The following ANKHD1 variants were observed in gnomAD, a reference collection of about 807,000 sequenced individuals.
The protein encoded by ANKHD1 is ankyrin repeat and KH domain-containing protein 1.
ANKHD1 carries 31 observed loss-of-function variants against 230.5 expected under a neutral mutation model. The ratio of observed to expected loss-of-function variants is 0.13; its 90% confidence interval spans 0.10 to 0.18. ANKHD1 has a LOEUF of 0.18. Among genes scored for constraint, ANKHD1 ranks in the 10% least tolerant of loss-of-function variants. The pLI is 1.00. For synonymous variants in ANKHD1, 1,074 were observed against 1,117.6 expected (o/e 0.96, Z 0.78); for missense variants, 2,256 against 3,071.3 (o/e 0.73, Z 6.27).
chr5:140,452,222 G>A (rs1432124184), intron 7 of ANKHD1, among the ~76,000 whole-genome samples: 1 of 152,210 alleles, frequency 6.6e-6, no homozygotes, highest in Non-Finnish European at 1.5e-5. Flanking sequence ...AAGCGGCTAG[G>A]AAGCTCAAAC....
Position 140,493,235 on chromosome 5 carries a change from T to C in ANKHD1, c.2246-3285T>C, listed in dbSNP as rs1024642255. ...CGCCACCACACCGGGCTAGCTAATT[T>C]TACATTTTTAGAAGAGACGGGGTTT... On this transcript the variant is annotated intron_variant, in intron 14 of 33. Transcript: ENST00000360839. Among the ~76,000 whole-genome samples, 4 of 152,260 alleles carry C rather than the reference T, an allele frequency of 2.6e-5. No homozygotes were observed. The East Asian group carries it at 5.8e-4, about 22-fold the overall frequency.
chr5:140,518,332 G>T (rs1402048436), intron 24 of ANKHD1, among the ~76,000 whole-genome samples: 1 of 152,082 alleles, frequency 6.6e-6, no homozygotes, highest in Non-Finnish European at 1.5e-5. Context: ...AGACCAGATG[G>T]ATTCACAGCC....
intron 15 of ANKHD1, 160 bp from the exon 16 acceptor site, chr5:140,504,661 T>C: frequency 1.2e-5 from 12 of 972,628 alleles, no homozygotes; most frequent in Non-Finnish European, 1.7e-5. Context: ...AAGTCAGTGT[T>C]GGAACTAATA....
Position 140,401,849 on chromosome 5 carries a change from C to A in ANKHD1, c.-119C>A. 1.4e-6 allele frequency: 2 copies of A among 1,397,262 alleles called. No homozygotes were observed. Among genetic ancestry groups the A allele is most frequent in the Non-Finnish European group, 1.9e-6 (2 of 1,078,634 alleles). 86.6% of individuals were successfully genotyped at this position (1,397,262 alleles called of 1,614,324 possible). ...AGGTTAGGCAGTGAGAAGTTAGTGG[C>A]GCTGCTGGGACGGGGGAAAGGAGAC... On this transcript the variant is annotated 5_prime_UTR_variant, in exon 1 of 34. Coordinates refer to ENST00000360839, the MANE Select transcript of ANKHD1 (RefSeq NM_017747.3).
chr5:140,441,844 A>G (rs980652894), intron 5 of ANKHD1, among the ~76,000 whole-genome samples: 1 of 152,022 alleles, frequency 6.6e-6, no homozygotes, highest in Non-Finnish European at 1.5e-5. Flanking sequence ...ATTTTACTAT[A>G]TATGTATCTT....
At chr5:140,413,262 C>T (rs1190632167) in intron 1 of ANKHD1, among the ~76,000 whole-genome samples, 1 of 152,116 alleles carries the variant, frequency 6.6e-6, no homozygotes, top group Non-Finnish European at 1.5e-5. Context: ...AACATAAAAT[C>T]TATCATTTTA....
intron 10 of ANKHD1, among the ~76,000 whole-genome samples, chr5:140,472,046 A>G (rs1402377928): frequency 1.3e-5 from 2 of 152,182 alleles, no homozygotes; most frequent in Non-Finnish European, 2.9e-5. Context: ...GTAAAAAACC[A>G]TAATATCACC....
chr5:140,491,925 T>A (rs1017530648), intron 14 of ANKHD1, among the ~76,000 whole-genome samples: 1 of 152,204 alleles, frequency 6.6e-6, no homozygotes, highest in Non-Finnish European at 1.5e-5. Flanking sequence ...TTCTTAAGCA[T>A]TTTTAAGAAA....
At chr5:140,500,266 T>G (rs1752228041) in intron 15 of ANKHD1, among the ~76,000 whole-genome samples, 1 of 152,232 alleles carries the variant, frequency 6.6e-6, no homozygotes, top group Non-Finnish European at 1.5e-5. Flanking sequence ...CCAACTTCTA[T>G]GATAAATGCT....
intron 2 of ANKHD1, among the ~76,000 whole-genome samples, chr5:140,437,939 C>T (rs1203140762): frequency 6.6e-6 from 1 of 152,082 alleles, no homozygotes; most frequent in East Asian, 1.9e-4. Flanking sequence ...GATATAAATT[C>T]ATTGGGTATT....
chr5:140,491,088 G>GTATA (rs1561793301), intron 14 of ANKHD1, among the ~76,000 whole-genome samples: 4 of 99,220 alleles, frequency 4.0e-5, no homozygotes, highest in African/African-American at 1.4e-4. Context: ...ATATGTGTGT[G>GTATA]TGTGTATATA....
intron 25 of ANKHD1, among the ~76,000 whole-genome samples, chr5:140,525,337 A>G (rs963980117): frequency 6.6e-6 from 1 of 151,868 alleles, no homozygotes; most frequent in South Asian, 2.1e-4. Context: ...ATCTCGGCTC[A>G]CTGCAACCTC....
At chr5:140,409,250 G>A (rs181529437) in intron 1 of ANKHD1, among the ~76,000 whole-genome samples, 16 of 152,294 alleles carry the variant, frequency 1.1e-4, no homozygotes, top group African/African-American at 2.9e-4. Flanking sequence ...AGAAGGTACT[G>A]AAAGGTTTAA....
Position 140,459,263 on chromosome 5 carries a change from C to A in ANKHD1, c.1580C>A (p.Ala527Glu). ...GAAGTTGCAGACTTTCTTATTAAGG[C>A]AGGGGCTGATATAGAACTTGGCTGC... Reference protein sequence around the residue: ...FSEVADFLIKAGADIELGCST... With the variant: ...FSEVADFLIKEGADIELGCST... Residue 527 changes from alanine (A) to glutamate (E), a missense_variant, in exon 9 of 34, where the codon GCA becomes GAA. Coordinates refer to ENST00000360839, the MANE Select transcript of ANKHD1 (RefSeq NM_017747.3). 6.2e-7 allele frequency: 1 copy of A among 1,603,664 alleles called. No homozygotes were observed. Among genetic ancestry groups the A allele is most frequent in the Non-Finnish European group, 8.5e-7 (1 of 1,172,804 alleles).
chr5:140,450,688 C>T (rs1252985958), intron 7 of ANKHD1, among the ~76,000 whole-genome samples: 1 of 152,046 alleles, frequency 6.6e-6, no homozygotes, highest in Non-Finnish European at 1.5e-5. Context: ...TAGAGGGGCA[C>T]GTTACCATGC....
rs151053156 is a variant in ANKHD1 at position 140,501,375 on chromosome 5, C to T, written c.3005-3446C>T. ...TTACAGGCATGAGCCACCACGCCAACCATAGGTTTTTATTTACATAGAACT... is the reference window on the plus strand; with the variant it reads ...TTACAGGCATGAGCCACCACGCCAATCATAGGTTTTTATTTACATAGAACT... On this transcript the variant is annotated intron_variant, in intron 15 of 33. Transcript: ENST00000360839. 9.3e-4 allele frequency among the ~76,000 whole-genome samples: 141 copies of T among 152,026 alleles called. 1 individual carries two copies. In the Middle Eastern group the frequency reaches 0.01, roughly 11 times the overall value.
intron 15 of ANKHD1, among the ~76,000 whole-genome samples, chr5:140,503,411 T>TTATA (rs1752388661): frequency 6.6e-6 from 1 of 152,028 alleles, no homozygotes; most frequent in Non-Finnish European, 1.5e-5. Flanking sequence ...GTTAAATGCT[T>TTATA]TATATACAGT....
At position 140,530,355 on chromosome 5, in the gene ANKHD1, G is replaced by A. The variant is rs540159574; in HGVS notation, c.6850+559G>A. On this transcript the variant is annotated intron_variant, in intron 29 of 33. Coordinates refer to ENST00000360839, the MANE Select transcript of ANKHD1 (RefSeq NM_017747.3). ...TCTTCTCAAGTAGCTGGGACTACAG[G>A]CATGCGCCACCATGCCCGGCTAATT... Among the ~76,000 whole-genome samples the A allele has an allele frequency of 6.6e-5, 10 of 152,250 alleles. 1 individual carries two copies. In the South Asian group the frequency reaches 1.9e-3, roughly 28 times the overall value.
intron 1 of ANKHD1, among the ~76,000 whole-genome samples, chr5:140,413,868 C>T (rs769080898): frequency 6.6e-6 from 1 of 152,100 alleles, no homozygotes; most frequent in Admixed American, 6.6e-5. Context: ...GCAACCTCCA[C>T]CTCCTGGGTT....
Sources: gnomAD v4.1 joint callset for allele counts (sites outside exome capture counted in the v4.1 genomes callset) on GRCh38, gnomAD v4.1.1 for gene constraint, MANE v1.5 for transcripts, NCBI Gene and HGNC (gene_info 2026-07-23, HGNC 2026-07-21) for gene names.